Variants in RAB11FIP4 observed in about 807,000 individuals in gnomAD.
The protein encoded by RAB11FIP4 is RAB11 family interacting protein 4, also known as rab11 family-interacting protein 4.
In RAB11FIP4, 23 loss-of-function variants were observed where a neutral mutation model predicts 74.3. The ratio of observed to expected loss-of-function variants is 0.31; its 90% CI spans 0.22 to 0.44. RAB11FIP4 has a LOEUF of 0.44. RAB11FIP4 is among the 20% of genes least tolerant of loss of function. The pLI is 1.00. For missense variants in RAB11FIP4, 630 were observed against 863.9 expected, an observed-to-expected ratio of 0.73 and a Z score of 3.39; for synonymous variants, 360 against 359.9, an observed-to-expected ratio of 1.00 and a Z score of 0.00.
chr17:31,407,829 C>T (rs1335810218), intron 1 of RAB11FIP4, among the ~76,000 whole-genome samples: 1 of 152,134 alleles, frequency 6.6e-6, no homozygotes. Context: ...TACTTTTCCC[C>T]TTATAATTAA....
At chr17:31,413,774 A>C (rs1354631520) in intron 1 of RAB11FIP4, among the ~76,000 whole-genome samples, 1 of 152,104 alleles carries the variant, frequency 6.6e-6, no homozygotes, top group Non-Finnish European at 1.5e-5. Context: ...AGGGGGTTAC[A>C]TTGTGATGGA....
chr17:31,391,771 G>C lies in RAB11FIP4; in HGVS notation c.-82G>C. On this transcript the variant is annotated 5_prime_UTR_variant, in exon 1 of 15. Transcript: ENST00000621161. ...GCGCAGACCCAGACGGGCGGCCCCG[G>C]AGGGCGCGCGGCGATGGCGGCGGCG... 2.1e-6 allele frequency: 2 copies of C among 955,118 alleles called. No homozygotes were observed. The highest frequency in any genetic ancestry group is 2.5e-6 in the Non-Finnish European group (2 of 804,758). The allele number at this position is 955,118 out of a possible 1,614,324, so 59.2% of individuals were successfully genotyped here.
chr17:31,420,677 T>G (rs981112310), intron 1 of RAB11FIP4, among the ~76,000 whole-genome samples: 2 of 152,202 alleles, frequency 1.3e-5, no homozygotes, highest in African/African-American at 4.8e-5. Flanking sequence ...ATTTTTAATT[T>G]TATTAATTTC....
intron 1 of RAB11FIP4, among the ~76,000 whole-genome samples, chr17:31,425,018 T>C (rs1192829972): frequency 6.6e-6 from 1 of 152,162 alleles, no homozygotes; most frequent in Non-Finnish European, 1.5e-5. Flanking sequence ...ATAATAATAG[T>C]GATTGCAATT....
chr17:31,471,041 C>A (rs2071731166), intron 3 of RAB11FIP4, among the ~76,000 whole-genome samples: 2 of 150,724 alleles, frequency 1.3e-5, no homozygotes, highest in East Asian at 3.9e-4. Context: ...AATCATATGT[C>A]ATAAAAGTAT....
intron 3 of RAB11FIP4, among the ~76,000 whole-genome samples, chr17:31,489,638 T>C (rs767981957): frequency 6.6e-6 from 1 of 152,212 alleles, no homozygotes; most frequent in Non-Finnish European, 1.5e-5. Flanking sequence ...TCAGGCAGTC[T>C]GAATACTGGG....
chr17:31,524,098 C>T (rs767171802), intron 9 of RAB11FIP4, 102 bp downstream of exon 9: 94 of 806,476 alleles, frequency 1.2e-4, no homozygotes, highest in Non-Finnish European at 1.8e-4. Context: ...CATGCCTTTG[C>T]AGCTCTGAGG....
chr17:31,448,392 AT>A (rs1213382436), intron 3 of RAB11FIP4: 74 of 79,804 alleles, frequency 9.3e-4, no homozygotes, highest in Middle Eastern at 6.9e-3. Flanking sequence ...CATCCAGCTA[AT>A]TTTTTTTTTT....
chr17:31,465,314 A>G (rs2071673858), intron 3 of RAB11FIP4, among the ~76,000 whole-genome samples: 2 of 151,980 alleles, frequency 1.3e-5, no homozygotes, highest in South Asian at 4.1e-4. Flanking sequence ...GGCCCCATTG[A>G]CTAGCCCAGG....
chr17:31,517,201 G>A (rs1368849252), intron 3 of RAB11FIP4, among the ~76,000 whole-genome samples: 1 of 126,368 alleles, frequency 7.9e-6, no homozygotes, highest in Non-Finnish European at 1.7e-5. Context: ...CGGGGGGGGG[G>A]GCGGTGGGGG....
chr17:31,435,252 T>C (rs939413602), intron 3 of RAB11FIP4, among the ~76,000 whole-genome samples: 2 of 152,088 alleles, frequency 1.3e-5, no homozygotes, highest in African/African-American at 4.8e-5. Context: ...AGGTTGGGGG[T>C]AGGTGGGAAG....
At chr17:31,450,436 C>T (rs1052761162) in intron 3 of RAB11FIP4, among the ~76,000 whole-genome samples, 5 of 151,788 alleles carry the variant, frequency 3.3e-5, no homozygotes, top group African/African-American at 4.8e-5. Context: ...CCTCCGCCTC[C>T]GGGGTTCAAG....
At chr17:31,426,702 G>A (rs1445012646) in intron 1 of RAB11FIP4, among the ~76,000 whole-genome samples, 4 of 148,472 alleles carry the variant, frequency 2.7e-5, no homozygotes, top group Non-Finnish European at 4.4e-5. Flanking sequence ...GGGTTCAAGC[G>A]ATTCTCCTGC....
Position 31,392,093 on chromosome 17 carries a change from C to G in RAB11FIP4, c.159+82C>G, listed in dbSNP as rs1169545607. The G allele has an allele frequency of 2.0e-5, 21 of 1,066,720 alleles. No homozygotes were observed. In the Admixed American group the frequency reaches 3.8e-4, roughly 19 times the overall value. 66.1% of individuals were successfully genotyped at this position (1,066,720 alleles called of 1,614,324 possible). ...CTCCCCCAGCTCCCCCGCCGGGTCA[C>G]CCGCGTGGCCCGAGGCGGTGGCCTC... On this transcript the variant is annotated intron_variant, in intron 1 of 14. Coordinates refer to ENST00000621161, the MANE Select transcript of RAB11FIP4 (RefSeq NM_032932.6).
intron 3 of RAB11FIP4, among the ~76,000 whole-genome samples, chr17:31,464,880 C>T (rs929164140): frequency 6.6e-6 from 1 of 150,784 alleles, no homozygotes; most frequent in African/African-American, 2.4e-5. Flanking sequence ...CCCACCTCAG[C>T]CTTCCTAGTA....
At chr17:31,460,167 G>A (rs1189814579) in intron 3 of RAB11FIP4, among the ~76,000 whole-genome samples, 1 of 152,232 alleles carries the variant, frequency 6.6e-6, no homozygotes, top group Non-Finnish European at 1.5e-5. Context: ...GGGTCTGGTG[G>A]AGGAGCAAGC....
chr17:31,474,668 C>CA (rs3058692), intron 3 of RAB11FIP4, among the ~76,000 whole-genome samples: 1,537 of 135,810 alleles, frequency 0.011, 36 homozygotes, highest in African/African-American at 0.04. Flanking sequence ...GACTCCATCT[C>CA]AAAAAAAAAA....
chr17:31,423,504 G>A (rs538791613), intron 1 of RAB11FIP4, among the ~76,000 whole-genome samples: 1 of 152,224 alleles, frequency 6.6e-6, no homozygotes, highest in Admixed American at 6.5e-5. Context: ...AAGCCTTAGG[G>A]TTACGAGCAT....
intron 3 of RAB11FIP4, among the ~76,000 whole-genome samples, chr17:31,505,608 AAT>A (rs2072324531): frequency 4.4e-5 from 3 of 68,632 alleles, no homozygotes; most frequent in Admixed American, 2.6e-4. Flanking sequence ...ATATAATAAT[AAT>A]TATATATAAT....
Sources: allele counts gnomAD v4.1 joint callset (sites outside exome capture counted in the v4.1 genomes callset), GRCh38; gene constraint gnomAD v4.1.1; transcripts MANE v1.5; gene names NCBI Gene and HGNC (gene_info 2026-07-23, HGNC 2026-07-21).